Variants in ADAM18 observed in about 807,000 individuals in gnomAD.
ADAM18 encodes the protein ADAM metallopeptidase domain 18, also known as disintegrin and metalloproteinase domain-containing protein 18.
Under a neutral mutation model 94.4 loss-of-function variants are expected in ADAM18, and 117 were observed. That is an observed-to-expected ratio of 1.24 (90% CI 1.07 to 1.45). ADAM18 has a LOEUF of 1.45. ADAM18 is among the 40% of genes most tolerant of loss of function. The probability of loss-of-function intolerance (pLI) is 0.00; values close to 1 mark genes in which losing one functional copy is unlikely to be tolerated. For missense variants in ADAM18, 936 were observed against 880.0 expected, an observed-to-expected ratio of 1.06 and a Z score of -0.81; for synonymous variants, 327 against 291.6, an observed-to-expected ratio of 1.12 and a Z score of -1.24.
intron 16 of ADAM18, among the ~76,000 whole-genome samples, chr8:39,690,479 C>T (rs927774379): frequency 6.6e-6 from 1 of 152,018 alleles, no homozygotes; most frequent in Non-Finnish European, 1.5e-5. Flanking sequence ...CTAATTTGGA[C>T]AATTTTATAA....
At chr8:39,596,807 TC>T (rs1818753896) in intron 2 of ADAM18, among the ~76,000 whole-genome samples, 1 of 152,240 alleles carries the variant, frequency 6.6e-6, no homozygotes, top group South Asian at 2.1e-4. Context: ...GAATAAGAGT[TC>T]CTGTGGCTCC....
chr8:39,701,723 A>G (rs1174701258), intron 17 of ADAM18, among the ~76,000 whole-genome samples: 1 of 152,088 alleles, frequency 6.6e-6, no homozygotes, highest in Non-Finnish European at 1.5e-5. Context: ...CCCACTTATA[A>G]GTGAGAACGT....
At chr8:39,676,619 G>T (rs145308052) in intron 14 of ADAM18, among the ~76,000 whole-genome samples, 134 of 151,986 alleles carry the variant, frequency 8.8e-4, no homozygotes, top group African/African-American at 3.0e-3. Flanking sequence ...GCAACGCCCC[G>T]CCCTGCTTCA....
intron 17 of ADAM18, among the ~76,000 whole-genome samples, chr8:39,704,225 G>T (rs1441708027): frequency 6.6e-6 from 1 of 152,108 alleles, no homozygotes; most frequent in East Asian, 1.9e-4. Flanking sequence ...GCATCATCCT[G>T]ATACCAAAAT....
At chr8:39,632,809 G>T (rs964207482) in intron 7 of ADAM18, among the ~76,000 whole-genome samples, 38 of 152,080 alleles carry the variant, frequency 2.5e-4, no homozygotes, top group Non-Finnish European at 5.1e-4. Context: ...ATATTTTAAA[G>T]TACACATTAA....
chr8:39,669,053 TTA>T (rs1821075648), intron 14 of ADAM18, among the ~76,000 whole-genome samples: 1 of 152,086 alleles, frequency 6.6e-6, no homozygotes, highest in African/African-American at 2.4e-5. Context: ...ATGCTACTTT[TTA>T]TGTGTGTGTG....
chr8:39,609,032 G>A lies in ADAM18; in HGVS notation c.189-10G>A, dbSNP rs1819178283. 6.9e-7 allele frequency: 1 copy of A among 1,454,508 alleles called. No homozygotes were observed. The highest frequency in any genetic ancestry group is 9.4e-7 in the Non-Finnish European group (1 of 1,062,402). The allele number at this position is 1,454,508 out of a possible 1,614,324, so 90.1% of individuals were successfully genotyped here. A position where few individuals can be genotyped will look rare whatever the true frequency, so the allele number is the denominator to read the frequency against. ...GATTCATACTTTTTTATTATTTCTT[G>A]GTTTTTTAGATCATTCTTACCCCAG... is the stretch of plus-strand genomic sequence containing the variant. On this transcript the variant is annotated splice_polypyrimidine_tract_variant and intron_variant, in intron 3 of 19. Transcript: ENST00000265707.
chr8:39,623,689 C>T (rs1180661870), intron 6 of ADAM18, among the ~76,000 whole-genome samples: 1 of 151,988 alleles, frequency 6.6e-6, no homozygotes, highest in East Asian at 1.9e-4. Flanking sequence ...CTTCGCCTCC[C>T]GGGTTCACGC....
At chr8:39,589,161 G>T (rs747887625) in intron 2 of ADAM18, among the ~76,000 whole-genome samples, 5 of 152,114 alleles carry the variant, frequency 3.3e-5, no homozygotes, top group Non-Finnish European at 7.4e-5. Context: ...CCTGTGTTAC[G>T]TTGATGTCCT....
At chr8:39,608,177 A>ATATATCTATATC (rs139512253) in intron 3 of ADAM18, among the ~76,000 whole-genome samples, 3 of 151,906 alleles carry the variant, frequency 2.0e-5, no homozygotes, top group South Asian at 2.1e-4. Context: ...TGTATTCAAA[A>ATATATCTATATC]TATATCTATA....
At chr8:39,625,437 G>A (rs1372449715) in intron 6 of ADAM18, among the ~76,000 whole-genome samples, 1 of 152,048 alleles carries the variant, frequency 6.6e-6, no homozygotes, top group Non-Finnish European at 1.5e-5. Context: ...GTCTTCTAGA[G>A]GAGCCTTTTA....
chr8:39,607,438 T>C (rs111415212), intron 3 of ADAM18, among the ~76,000 whole-genome samples: 2 of 152,222 alleles, frequency 1.3e-5, no homozygotes, highest in Non-Finnish European at 2.9e-5. Flanking sequence ...TAGAGGAAAT[T>C]ATTCTCACTT....
At chr8:39,638,203 A>C (rs1399042053) in intron 9 of ADAM18, among the ~76,000 whole-genome samples, 7 of 151,920 alleles carry the variant, frequency 4.6e-5, no homozygotes, top group Admixed American at 4.6e-4. Flanking sequence ...AATTTGAGCT[A>C]ATAAAATTAT....
At chr8:39,591,728 C>A (rs113778049) in intron 2 of ADAM18, among the ~76,000 whole-genome samples, 7 of 152,162 alleles carry the variant, frequency 4.6e-5, no homozygotes, top group Admixed American at 4.6e-4. Context: ...TTCCATGAAT[C>A]GTGAATTGTC....
chr8:39,610,442 A>G, intron 5 of ADAM18, 87 bp from the exon 6 acceptor site: 2 of 1,396,832 alleles, frequency 1.4e-6, no homozygotes, highest in Non-Finnish European at 9.4e-7. Flanking sequence ...TAGTTTTTTA[A>G]TTTCTTATGC....
chr8:39,662,421 T>A (rs890491801), intron 12 of ADAM18, among the ~76,000 whole-genome samples: 1 of 152,096 alleles, frequency 6.6e-6, no homozygotes, highest in Admixed American at 6.5e-5. Context: ...TGCATACATA[T>A]GAAAAAGTGT....
chr8:39,629,890 C>T (rs1320681717), intron 7 of ADAM18, among the ~76,000 whole-genome samples: 6 of 151,942 alleles, frequency 3.9e-5, no homozygotes, highest in Non-Finnish European at 8.8e-5. Flanking sequence ...CCTACACTAT[C>T]GCTTCCTCCA....
At chr8:39,610,307 T>C (rs1462485681) in intron 5 of ADAM18, among the ~76,000 whole-genome samples, 2 of 152,140 alleles carry the variant, frequency 1.3e-5, no homozygotes, top group African/African-American at 4.8e-5. Flanking sequence ...AAATGTTCTT[T>C]ATTGCATTTA....
intron 17 of ADAM18, among the ~76,000 whole-genome samples, chr8:39,700,031 G>A (rs1049176393): frequency 1.3e-5 from 2 of 152,076 alleles, no homozygotes; most frequent in East Asian, 1.9e-4. Flanking sequence ...GTGAAATGGG[G>A]GACTGAATTG....
Sources: gnomAD v4.1 joint callset for allele counts (sites outside exome capture counted in the v4.1 genomes callset) on GRCh38, gnomAD v4.1.1 for gene constraint, MANE v1.5 for transcripts, NCBI Gene and HGNC (gene_info 2026-07-23, HGNC 2026-07-21) for gene names.